KCNJ3: variants seen among roughly 807,000 people sequenced by gnomAD.
The protein encoded by KCNJ3 is G protein-activated inward rectifier potassium channel 1.
A neutral mutation model predicts 39.2 loss-of-function variants in KCNJ3; 4 were observed. That is an observed-to-expected ratio of 0.10 (90% CI 0.05 to 0.23). The LOEUF (loss-of-function observed/expected upper bound fraction) is 0.23. Among genes scored for constraint, KCNJ3 ranks in the 10% least tolerant of loss-of-function variants. The probability of loss-of-function intolerance (pLI) is 1.00; values close to 1 mark genes in which losing one functional copy is unlikely to be tolerated. For synonymous variants in KCNJ3, 230 were observed against 237.4 expected, an observed-to-expected ratio of 0.97 and a Z score of 0.29; for missense variants, 276 against 634.9, an observed-to-expected ratio of 0.43 and a Z score of 6.08.
At chr2:154,771,945 A>C (rs1686249812) in intron 2 of KCNJ3, among the ~76,000 whole-genome samples, 1 of 152,206 alleles carries the variant, frequency 6.6e-6, no homozygotes, top group African/African-American at 2.4e-5. Context: ...TAAGTATTAG[A>C]GTAATATGCT....
At chr2:154,829,795 A>G (rs1423564783) in intron 2 of KCNJ3, among the ~76,000 whole-genome samples, 1 of 151,740 alleles carries the variant, frequency 6.6e-6, no homozygotes, top group Non-Finnish European at 1.5e-5. Context: ...ACTAATAATA[A>G]CATTCTTATT....
At chr2:154,794,088 T>C (rs987450431) in intron 2 of KCNJ3, among the ~76,000 whole-genome samples, 12 of 151,982 alleles carry the variant, frequency 7.9e-5, no homozygotes, top group Admixed American at 3.9e-4. Context: ...GGAGATGACA[T>C]TTCAAATCTA....
chr2:154,734,934 A>G, intron 2 of KCNJ3, among the ~76,000 whole-genome samples: 1 of 152,242 alleles, frequency 6.6e-6, no homozygotes, highest in East Asian at 1.9e-4. Flanking sequence ...GGCAGAAAAC[A>G]GAGAAAAAGG....
intron 2 of KCNJ3, among the ~76,000 whole-genome samples, chr2:154,713,269 A>C (rs1685130033): frequency 6.6e-6 from 1 of 152,102 alleles, no homozygotes; most frequent in African/African-American, 2.4e-5. Flanking sequence ...AGTCATTCTG[A>C]ATGTCTTGGA....
At chr2:154,845,731 G>A (rs534574900) in intron 2 of KCNJ3, among the ~76,000 whole-genome samples, 9 of 152,226 alleles carry the variant, frequency 5.9e-5, no homozygotes, top group Non-Finnish European at 7.4e-5. Context: ...AGCACTTTGG[G>A]AGGCTGAGGC....
intron 2 of KCNJ3, among the ~76,000 whole-genome samples, chr2:154,764,750 G>T (rs1194056645): frequency 6.6e-6 from 1 of 152,016 alleles, no homozygotes; most frequent in Non-Finnish European, 1.5e-5. Flanking sequence ...TTAAGAAAGT[G>T]TATAAATTTG....
intron 2 of KCNJ3, among the ~76,000 whole-genome samples, chr2:154,796,263 AAG>A (rs1189835417): frequency 6.6e-6 from 1 of 152,148 alleles, no homozygotes; most frequent in Non-Finnish European, 1.5e-5. Context: ...GCAGTCAGAA[AAG>A]AAGAAATGCC....
At chr2:154,832,529 G>T (rs1376907070) in intron 2 of KCNJ3, among the ~76,000 whole-genome samples, 2 of 152,130 alleles carry the variant, frequency 1.3e-5, no homozygotes, top group African/African-American at 4.8e-5. Context: ...AGCTCTGCTT[G>T]TTCCACCATT....
intron 2 of KCNJ3, among the ~76,000 whole-genome samples, chr2:154,848,583 A>G (rs1297004957): frequency 6.6e-6 from 1 of 152,170 alleles, no homozygotes; most frequent in Non-Finnish European, 1.5e-5. Context: ...TCCACATGTA[A>G]TAGCAGCTAC....
At chr2:154,823,844 G>C (rs1363621636) in intron 2 of KCNJ3, among the ~76,000 whole-genome samples, 1 of 152,042 alleles carries the variant, frequency 6.6e-6, no homozygotes, top group Non-Finnish European at 1.5e-5. Flanking sequence ...CAGGGGGTTT[G>C]TGTCATTTAT....
chr2:154,841,803 G>GCAT (rs1209375642), intron 2 of KCNJ3, among the ~76,000 whole-genome samples: 1 of 151,514 alleles, frequency 6.6e-6, no homozygotes, highest in Non-Finnish European at 1.5e-5. Flanking sequence ...ATTTTTTATT[G>GCAT]CATCTATTTG....
intron 2 of KCNJ3, among the ~76,000 whole-genome samples, chr2:154,739,569 C>T (rs1685609491): frequency 6.6e-6 from 1 of 152,060 alleles, no homozygotes; most frequent in Non-Finnish European, 1.5e-5. Context: ...TAATTTCCTA[C>T]TCCCCAGAGA....
At chr2:154,804,088 G>A (rs1486245097) in intron 2 of KCNJ3, among the ~76,000 whole-genome samples, 2 of 151,878 alleles carry the variant, frequency 1.3e-5, no homozygotes, top group Admixed American at 1.3e-4. Context: ...AAATGTTATT[G>A]GCTATTATAA....
chr2:154,836,608 G>A (rs1687467665), intron 2 of KCNJ3, among the ~76,000 whole-genome samples: 1 of 11,906 alleles, frequency 8.4e-5, no homozygotes, highest in Non-Finnish European at 1.3e-4. Context: ...TAAAATACAT[G>A]TACTAAAATA....
At chr2:154,709,512 A>G in intron 1 of KCNJ3, 91 bp from the exon 2 acceptor site, 1 of 1,280,858 alleles carries the variant, frequency 7.8e-7, no homozygotes, top group Non-Finnish European at 1.1e-6. Flanking sequence ...GATAGTGCAG[A>G]ATGTTGGCAA....
chr2:154,700,759 C>G (rs1046595573), intron 1 of KCNJ3, among the ~76,000 whole-genome samples: 1 of 152,120 alleles, frequency 6.6e-6, no homozygotes, highest in Non-Finnish European at 1.5e-5. Flanking sequence ...TTTCATTATT[C>G]ACTTACAAGA....
At chr2:154,783,404 CAAG>C (rs1686474290) in intron 2 of KCNJ3, among the ~76,000 whole-genome samples, 1 of 152,076 alleles carries the variant, frequency 6.6e-6, no homozygotes, top group Non-Finnish European at 1.5e-5. Flanking sequence ...AAGACAGAAA[CAAG>C]GAGACATGGG....
At chr2:154,762,278 C>T (rs781568397) in intron 2 of KCNJ3, among the ~76,000 whole-genome samples, 23 of 152,110 alleles carry the variant, frequency 1.5e-4, no homozygotes, top group African/African-American at 3.9e-4. Flanking sequence ...TGGGATTCAA[C>T]GTAATAATAA....
intron 2 of KCNJ3, among the ~76,000 whole-genome samples, chr2:154,785,162 C>T (rs1244867293): frequency 1.3e-5 from 2 of 152,158 alleles, no homozygotes; most frequent in Non-Finnish European, 2.9e-5. Flanking sequence ...TGTGTAATTT[C>T]ATGTAAATAG....
Sources: gnomAD v4.1 joint callset for allele counts (sites outside exome capture counted in the v4.1 genomes callset) on GRCh38, gnomAD v4.1.1 for gene constraint, MANE v1.5 for transcripts, NCBI Gene and HGNC (gene_info 2026-07-23, HGNC 2026-07-21) for gene names.